Variants in MTM1 observed in about 807,000 individuals in gnomAD.
MTM1 encodes the protein myotubularin 1.
Under a neutral mutation model 52.1 loss-of-function variants are expected in MTM1, and 9 were observed. That is an observed-to-expected ratio of 0.17 (90% CI 0.10 to 0.30). The LOEUF (loss-of-function observed/expected upper bound fraction) is 0.30, where lower values mean the gene tolerates loss of function less well. Ranked by LOEUF, MTM1 falls within the 10% of genes least tolerant of loss-of-function variation. MTM1 has a pLI of 1.00. For synonymous variants in MTM1, 136 were observed against 163.8 expected, an observed-to-expected ratio of 0.83 and a Z score of 1.29; for missense variants, 277 against 470.7, an observed-to-expected ratio of 0.59 and a Z score of 3.81.
At chrX:150,601,372 A>T (rs1557412739) in intron 4 of MTM1, among the ~76,000 whole-genome samples, 1 of 112,292 alleles carries the variant, frequency 8.9e-6, no homozygotes, top group Non-Finnish European at 1.9e-5. Flanking sequence ...TAGTCATCAT[A>T]GTGTTTCTTC....
At chrX:150,574,096 A>T (rs965670334) in intron 1 of MTM1, among the ~76,000 whole-genome samples, 3 of 111,571 alleles carry the variant, frequency 2.7e-5, no homozygotes, top group Non-Finnish European at 3.8e-5. Context: ...CTACTGCCCT[A>T]ACAAAGGGAG....
At chrX:150,565,150 C>T (rs781871536), upstream of MTM1, among the ~76,000 whole-genome samples, 1 of 112,348 alleles carries the variant, frequency 8.9e-6, no homozygotes, top group East Asian at 2.8e-4. Context: ...CCCCAGTGAT[C>T]ACCGTGGCAA....
rs934309305 is a variant in MTM1, at chrX:150,621,340, C to T, written c.444+2201C>T. Among the ~76,000 whole-genome samples the T allele has an allele frequency of 3.6e-5, 4 of 110,280 alleles. 1 individual carries two copies. In the South Asian group the frequency reaches 1.6e-3, roughly 43 times the overall value. On this transcript the variant is annotated intron_variant, in intron 6 of 14. Coordinates refer to ENST00000370396, the MANE Select transcript of MTM1 (RefSeq NM_000252.3). ...CTGTAAGTTCTACTTAGTAGCAACA[C>T]CCAGCTATTTCCTCTCTTTTCTACT...
intron 1 of MTM1, among the ~76,000 whole-genome samples, chrX:150,587,908 G>C (rs1485650754): frequency 9.0e-6 from 1 of 111,110 alleles, no homozygotes; most frequent in Non-Finnish European, 1.9e-5. Flanking sequence ...CTTTATATTG[G>C]AGTTAGTACA....
chrX:150,614,057 C>G (rs2039339227), intron 4 of MTM1, among the ~76,000 whole-genome samples: 1 of 112,053 alleles, frequency 8.9e-6, no homozygotes, highest in South Asian at 3.6e-4. Flanking sequence ...TATGGAACTT[C>G]TGAGGAAAAA....
intron 1 of MTM1, among the ~76,000 whole-genome samples, chrX:150,587,958 A>G (rs1557412334): frequency 8.9e-6 from 1 of 111,760 alleles, no homozygotes; most frequent in Non-Finnish European, 1.9e-5. Flanking sequence ...GAGGATATCC[A>G]TGGTTTTCAT....
chrX:150,576,798 CA>C (rs1557411663), intron 1 of MTM1, among the ~76,000 whole-genome samples: 1 of 111,743 alleles, frequency 8.9e-6, no homozygotes, highest in Non-Finnish European at 1.9e-5. Flanking sequence ...AAGAATATAC[CA>C]GGAATCATTC....
rs373023705 is a variant in MTM1 at position 150,647,221 on chromosome X, A to ATATATATATATATATATATATATATG, written c.867+1350_867+1351insTATATATATATATATATATATATATG. On this transcript the variant is annotated intron_variant, in intron 9 of 14. Coordinates refer to ENST00000370396, the MANE Select transcript of MTM1 (RefSeq NM_000252.3). ...TATATATATATATATATATATATAT[A>ATATATATATATATATATATATATATG]GCAATATTTTCATGTACATATTTAG... Among the ~76,000 whole-genome samples, 28 of 101,598 alleles carry ATATATATATATATATATATATATATG rather than the reference A, an allele frequency of 2.8e-4. 2 individuals are homozygous for ATATATATATATATATATATATATATG. Among genetic ancestry groups the ATATATATATATATATATATATATATG allele is most frequent in the African/African-American group, 1.1e-3 (28 of 25,807 alleles). 88.2% of individuals were successfully genotyped at this position (101,598 alleles called of 115,157 possible). A position where few individuals can be genotyped will look rare whatever the true frequency, so the allele number is the denominator to read the frequency against.
chrX:150,609,004 A>G, intron 4 of MTM1, among the ~76,000 whole-genome samples: 1 of 110,241 alleles, frequency 9.1e-6, no homozygotes, highest in East Asian at 2.9e-4. Flanking sequence ...TGATTTTTGT[A>G]TTTTTAGTAG....
In MTM1 at chrX:150,659,726, T is replaced by G; in HGVS notation, c.1323T>G (p.Phe441Leu). 1 of 1,210,361 alleles carries G rather than the reference T, an allele frequency of 8.3e-7. No homozygotes were observed. Among genetic ancestry groups the G allele is most frequent in the South Asian group, 1.8e-5 (1 of 56,995 alleles). Residue 441 changes from phenylalanine to leucine, a missense_variant, in exon 12 of 15, where the codon TTT (phenylalanine) becomes TTG (leucine). Transcript: ENST00000370396. ...ACCGTTCTCCTATTTTTCTCCAGTT[T>G]ATTGATTGTGTGTGGCAAATGTCAA... The part of the protein sequence containing the change: ...DADRSPIFLQ[F>L]IDCVWQMSKQ...
intron 10 of MTM1, among the ~76,000 whole-genome samples, chrX:150,650,942 G>T (rs1176917764): frequency 9.0e-6 from 1 of 111,184 alleles, no homozygotes; most frequent in Non-Finnish European, 1.9e-5. Context: ...TCTCACTTAT[G>T]CCTGTTTCTG....
At chrX:150,610,919 G>A (rs1375817626) in intron 4 of MTM1, among the ~76,000 whole-genome samples, 1 of 111,950 alleles carries the variant, frequency 8.9e-6, no homozygotes, top group Non-Finnish European at 1.9e-5. Context: ...TGTATTTTAT[G>A]TATAAATTTG....
chrX:150,632,164 G>A (rs1173454538), intron 6 of MTM1, among the ~76,000 whole-genome samples: 1 of 112,079 alleles, frequency 8.9e-6, no homozygotes, highest in Admixed American at 9.5e-5. Context: ...ACAAACAGAT[G>A]CATATGATAC....
At chrX:150,570,322 G>A (rs2038346796) in intron 1 of MTM1, among the ~76,000 whole-genome samples, 1 of 111,646 alleles carries the variant, frequency 9.0e-6, no homozygotes, top group African/African-American at 3.3e-5. Context: ...CAGTGAAACA[G>A]GCTGGCATGA....
chrX:150,614,451 G>T (rs2039345090), intron 4 of MTM1, 138 bp from the exon 5 acceptor site: 6 of 485,539 alleles, frequency 1.2e-5, no homozygotes, highest in Non-Finnish European at 2.2e-5. Flanking sequence ...TGTGTGATCT[G>T]TATCATATTT....
At chrX:150,635,195 T>C (rs1278677267) in intron 6 of MTM1, among the ~76,000 whole-genome samples, 1 of 112,649 alleles carries the variant, frequency 8.9e-6, no homozygotes, top group East Asian at 2.8e-4. Flanking sequence ...CCTAAGACTT[T>C]GCTCAATTGG....
At chrX:150,629,634 A>T (rs2039630313) in intron 6 of MTM1, among the ~76,000 whole-genome samples, 2 of 112,827 alleles carry the variant, frequency 1.8e-5, no homozygotes. Flanking sequence ...ATCAGTAGCA[A>T]CCAAGACATC....
upstream of MTM1, among the ~76,000 whole-genome samples, chrX:150,566,281 G>A (rs1387966258): frequency 5.4e-5 from 6 of 111,071 alleles, no homozygotes; most frequent in African/African-American, 1.6e-4. Context: ...GATTACAGGC[G>A]CCCACCACCA....
In MTM1 at chrX:150,618,979, T is replaced by C. The variant is rs1557413204; in HGVS notation, c.343-59T>C. 8.6e-6 allele frequency: 7 copies of C among 816,913 alleles called. No homozygotes were observed. In the East Asian group the frequency reaches 2.2e-4, roughly 26 times the overall value. 67.3% of individuals were successfully genotyped at this position (816,913 alleles called of 1,213,427 possible). A position where few individuals can be genotyped will look rare whatever the true frequency, so the allele number is the denominator to read the frequency against. On this transcript the variant is annotated intron_variant, in intron 5 of 14. Coordinates refer to ENST00000370396, the MANE Select transcript of MTM1 (RefSeq NM_000252.3). ...TCCCTTAATTGAATGGAAGATTTCT[T>C]GCTAATTAACATGACTTTCTTTGAA... is the stretch of plus-strand genomic sequence containing the variant.
Sources: allele counts gnomAD v4.1 joint callset (sites outside exome capture counted in the v4.1 genomes callset), GRCh38; gene constraint gnomAD v4.1.1; transcripts MANE v1.5; gene names NCBI Gene and HGNC (gene_info 2026-07-23, HGNC 2026-07-21).